The following CAMK2G variants were observed in gnomAD, a reference collection of about 807,000 sequenced individuals.
The protein encoded by CAMK2G is calcium/calmodulin dependent protein kinase II gamma.
CAMK2G carries 23 observed loss-of-function variants against 88.7 expected under a neutral mutation model. The observed-to-expected ratio is 0.26, with a 90% CI of 0.19 to 0.37. The LOEUF is 0.37. Among genes scored for constraint, CAMK2G ranks in the 10% least tolerant of loss-of-function variants. The pLI is 1.00. For synonymous variants in CAMK2G, 263 were observed against 294.8 expected, an observed-to-expected ratio of 0.89 and a Z score of 1.11; for missense variants, 476 against 780.8, an observed-to-expected ratio of 0.61 and a Z score of 4.65.
chr10:73,820,490 ATAT>A (rs1321303226), intron 18 of CAMK2G, among the ~76,000 whole-genome samples: 2 of 53,162 alleles, frequency 3.8e-5, no homozygotes, highest in East Asian at 1.1e-3. Context: ...ATATATATAT[ATAT>A]TTTTTTTTTT....
At chr10:73,841,986 C>T (rs2093825483) in intron 12 of CAMK2G, 183 bp downstream of exon 12, 2 of 630,056 alleles carry the variant, frequency 3.2e-6, no homozygotes, top group Non-Finnish European at 5.7e-6. Context: ...GTGAGTCCAG[C>T]CCCCTGAATC....
At chr10:73,860,255 T>G (rs2095311056) in intron 3 of CAMK2G, among the ~76,000 whole-genome samples, 2 of 152,132 alleles carry the variant, frequency 1.3e-5, no homozygotes, top group Non-Finnish European at 1.5e-5. Context: ...GTCCCCCCAG[T>G]CAGGGTGGGA....
chr10:73,861,180 C>T (rs965748838), intron 2 of CAMK2G, among the ~76,000 whole-genome samples: 1 of 152,194 alleles, frequency 6.6e-6, no homozygotes, highest in African/African-American at 2.4e-5. Context: ...GCACCAGCCA[C>T]CAGGCCTGGG....
intron 2 of CAMK2G, among the ~76,000 whole-genome samples, chr10:73,869,236 A>G (rs1299822142): frequency 6.6e-6 from 1 of 152,234 alleles, no homozygotes; most frequent in Non-Finnish European, 1.5e-5. Flanking sequence ...AAAGCCCAGA[A>G]GTCTGTATTT....
rs144144529 is a variant in CAMK2G at position 73,853,280 on chromosome 10, G to C, written c.221-34C>G. 4.4e-3 allele frequency: 7,036 copies of C among 1,599,828 alleles called. 30 individuals carry two copies. The highest frequency in any genetic ancestry group is 5.2e-3 in the Non-Finnish European group (6,121 of 1,167,074). On this transcript the variant is annotated intron_variant, in intron 3 of 22. Transcript: ENST00000423381. ...GAGGAGATGGGGACAGAGATTAACA[G>C]AGAGAAAACTTGGAAATCCTAGGCT...
chr10:73,845,354 G>A (rs906863613), intron 10 of CAMK2G, among the ~76,000 whole-genome samples: 3 of 152,060 alleles, frequency 2.0e-5, no homozygotes, highest in African/African-American at 2.4e-5. Flanking sequence ...AAGCCGAGGC[G>A]GGTGGATCAT....
rs764149938 is a variant in CAMK2G, at chr10:73,840,767, C to T, written c.947-1166G>A. Among the ~76,000 whole-genome samples, 18 of 152,228 alleles carry T rather than the reference C, an allele frequency of 1.2e-4. 1 individual carries two copies. Among genetic ancestry groups the T allele is most frequent in the Non-Finnish European group, 2.2e-4 (15 of 68,042 alleles). On this transcript the variant is annotated intron_variant, in intron 12 of 22. Transcript: ENST00000423381. ...GCAGCAGACTGTCTTCACATTTCTT[C>T]AACTCAGAGGGGAGAGAGGACAGAG...
Position 73,839,002 on chromosome 10 carries a change from G to A in CAMK2G, c.1009+537C>T, listed in dbSNP as rs910800886. Among the ~76,000 whole-genome samples the A allele has an allele frequency of 6.6e-6, 1 of 152,204 alleles. No individual in the cohort carries two copies. Among genetic ancestry groups the A allele is most frequent in the Non-Finnish European group, 1.5e-5 (1 of 68,044 alleles). ...CCCCATTGGAGAGGTGAGGAATTAA[G>A]GCTGGGAGAGCTGGTGTGACTCGCT... On this transcript the variant is annotated intron_variant, in intron 13 of 22. Coordinates refer to ENST00000423381, the MANE Select transcript of CAMK2G (RefSeq NM_001367534.1). This position sits in a 1 kb window ranked among gnomAD's most constrained non-coding sequence, Gnocchi z 4.2.
intron 3 of CAMK2G, among the ~76,000 whole-genome samples, chr10:73,857,676 C>CAGG (rs2095139801): frequency 6.6e-6 from 1 of 152,178 alleles, no homozygotes; most frequent in Non-Finnish European, 1.5e-5. Flanking sequence ...CGAAGGAAGA[C>CAGG]AGAGTCTATT....
chr10:73,824,468 A>C (rs1051030472), intron 16 of CAMK2G, among the ~76,000 whole-genome samples: 5 of 152,360 alleles, frequency 3.3e-5, no homozygotes, highest in Admixed American at 2.6e-4. Context: ...CACAGCGTTC[A>C]TCACGGGGAA....
intron 21 of CAMK2G, chr10:73,816,440 G>A: frequency 9.2e-7 from 1 of 1,085,422 alleles, no homozygotes. Flanking sequence ...AATCCGTCTT[G>A]GAAAGAGGTG....
chr10:73,852,038 C>A (rs1347357201), intron 5 of CAMK2G, among the ~76,000 whole-genome samples: 1 of 152,274 alleles, frequency 6.6e-6, no homozygotes, highest in African/African-American at 2.4e-5. Flanking sequence ...TGAGCCACTG[C>A]GCCTGGTTAG....
chr10:73,822,995 G>A (rs2089556057), intron 17 of CAMK2G, among the ~76,000 whole-genome samples: 1 of 151,978 alleles, frequency 6.6e-6, no homozygotes, highest in African/African-American at 2.4e-5. Context: ...CCAGGTAGCT[G>A]GGATTACAGG....
chr10:73,873,417 C>G, intron 1 of CAMK2G: 1 of 1,182,632 alleles, frequency 8.5e-7, no homozygotes, highest in Non-Finnish European at 1.1e-6. Flanking sequence ...GCCCTGCGGT[C>G]CCGGCCAAGA....
chr10:73,830,611 T>G (rs556931780), intron 14 of CAMK2G, among the ~76,000 whole-genome samples: 1 of 152,378 alleles, frequency 6.6e-6, no homozygotes, highest in African/African-American at 2.4e-5. Context: ...TTGCTTGCTT[T>G]CTTTTTTAAA....
At chr10:73,859,061 G>A (rs1035475324) in intron 3 of CAMK2G, among the ~76,000 whole-genome samples, 2 of 152,230 alleles carry the variant, frequency 1.3e-5, no homozygotes, top group African/African-American at 4.8e-5. Context: ...GGAGCATAAA[G>A]GAAAGGAAGT....
In CAMK2G at chr10:73,815,051, A is replaced by C; in HGVS notation, c.1731T>G (p.Tyr577Ter). The C allele has an allele frequency of 6.2e-7, 1 of 1,614,038 alleles. No individual in the cohort carries two copies. The highest frequency in any genetic ancestry group is 8.5e-7 in the Non-Finnish European group (1 of 1,179,984). ...RRDGKWLNVH[Y>*]HCSGAPAAPL... is the part of the protein sequence containing the mutation. ...GTGCGGCAGGGGCCCCTGAGCAGTG[A>C]TAGTGGACATTGAGCCACTTGCCAT... Residue 577 changes from tyrosine (Y) to a stop codon, truncating the protein, a stop_gained, in exon 22 of 23, where the codon TAT becomes TAG. Transcript: ENST00000423381. LOFTEE classifies it high-confidence loss of function.
chr10:73,865,830 T>G (rs2095566266), intron 2 of CAMK2G, among the ~76,000 whole-genome samples: 2 of 151,966 alleles, frequency 1.3e-5, no homozygotes, highest in Non-Finnish European at 2.9e-5. Flanking sequence ...TGGACCCTCC[T>G]CCACGCACCT....
chr10:73,822,768 T>C (rs1197648764), intron 17 of CAMK2G, among the ~76,000 whole-genome samples: 3 of 152,120 alleles, frequency 2.0e-5, no homozygotes, highest in African/African-American at 7.2e-5. Context: ...CCACCCACCA[T>C]TCAGTTTCTA....
Sources: allele counts gnomAD v4.1 joint callset (sites outside exome capture counted in the v4.1 genomes callset), GRCh38; gene constraint gnomAD v4.1.1; non-coding constraint Gnocchi (gnomAD v3.1); transcripts MANE v1.5; gene names NCBI Gene and HGNC (gene_info 2026-07-23, HGNC 2026-07-21).